Variants in APBA1 observed in about 807,000 individuals in gnomAD.
The protein encoded by APBA1 is amyloid-beta A4 precursor protein-binding family A member 1.
In APBA1, 55 loss-of-function variants were observed where a neutral mutation model predicts 86.6. That is an observed-to-expected ratio of 0.64 (90% confidence interval 0.51 to 0.80). The LOEUF (loss-of-function observed/expected upper bound fraction) is 0.80, where lower values mean the gene tolerates loss of function less well. Ranked by LOEUF, APBA1 falls within the 30% of genes least tolerant of loss-of-function variation. The pLI, the probability that APBA1 is intolerant of heterozygous loss-of-function variation, is 0.00. For synonymous variants in APBA1, 511 were observed against 493.9 expected (o/e 1.03, Z -0.46); for missense variants, 1,090 against 1,183.0 (o/e 0.92, Z 1.15).
intron 1 of APBA1, among the ~76,000 whole-genome samples, chr9:69,575,789 A>T (rs529175272): frequency 1.3e-5 from 2 of 152,234 alleles, no homozygotes; most frequent in African/African-American, 4.8e-5. Flanking sequence ...TTCAGGACAT[A>T]AGCATGGGCA....
intron 1 of APBA1, among the ~76,000 whole-genome samples, chr9:69,562,613 G>T (rs1836963786): frequency 6.6e-6 from 1 of 152,028 alleles, no homozygotes; most frequent in Non-Finnish European, 1.5e-5. Context: ...GACCTCATGT[G>T]ATCCTCCTGC....
At chr9:69,514,733 A>G (rs1165538452) in intron 2 of APBA1, among the ~76,000 whole-genome samples, 2 of 151,796 alleles carry the variant, frequency 1.3e-5, no homozygotes, top group African/African-American at 4.8e-5. Context: ...ACGTTATGAA[A>G]CCCCGTCTCT....
intron 1 of APBA1, among the ~76,000 whole-genome samples, chr9:69,553,336 G>GA (rs1215409009): frequency 6.6e-6 from 1 of 152,072 alleles, no homozygotes; most frequent in Non-Finnish European, 1.5e-5. Context: ...CATCACCCTA[G>GA]AAAATTCCTT....
rs1836525558 is a variant in APBA1, at chr9:69,537,117, C to A, written c.-69-19838G>T. Reference sequence around the variant, plus strand: ...AAATCTTAGTAATTTCCCCCCATCTCCAAAGAACTTCTATTTCTCTACATG... The same window carrying A: ...AAATCTTAGTAATTTCCCCCCATCTACAAAGAACTTCTATTTCTCTACATG... On this transcript the variant is annotated intron_variant, in intron 1 of 12. Coordinates refer to ENST00000265381, the MANE Select transcript of APBA1 (RefSeq NM_001163.4). Among the ~76,000 whole-genome samples, 10 of 151,438 alleles carry A rather than the reference C, an allele frequency of 6.6e-5. No homozygotes were observed. The South Asian group carries it at 2.1e-3, about 32-fold the overall frequency.
At chr9:69,463,285 A>G (rs142259657) in intron 5 of APBA1, 2 of 151,446 alleles carry the variant, frequency 1.3e-5, no homozygotes, top group Admixed American at 6.6e-5. Flanking sequence ...GTATTGGTTA[A>G]ATTTATTCCT....
At position 69,427,566 on chromosome 9, in the gene APBA1, C is replaced by G. The variant is rs1452067223; in HGVS notation, c.*3761G>C. The G allele has an allele frequency of 6.6e-6, 1 of 152,262 alleles. No homozygotes were observed. The highest frequency in any genetic ancestry group is 1.9e-4 in the East Asian group (1 of 5,174). 9.4% of individuals were successfully genotyped at this position (152,262 alleles called of 1,614,324 possible). A position where few individuals can be genotyped will look rare whatever the true frequency, so the allele number is the denominator to read the frequency against. ...AAGTTCTTGTTTATTGTTGCAGCAA[C>G]TCTTATACAGACATTAGCGTTCAGT... On this transcript the variant is annotated 3_prime_UTR_variant, in exon 13 of 13. Coordinates refer to ENST00000265381, the MANE Select transcript of APBA1 (RefSeq NM_001163.4).
intron 1 of APBA1, among the ~76,000 whole-genome samples, chr9:69,629,705 G>A (rs181479237): frequency 6.6e-6 from 1 of 152,284 alleles, no homozygotes; most frequent in Non-Finnish European, 1.5e-5. Flanking sequence ...CATATTCATT[G>A]AGCACTGCTA....
intron 1 of APBA1, among the ~76,000 whole-genome samples, chr9:69,658,260 C>G (rs1554709921): frequency 4.7e-5 from 1 of 21,234 alleles, no homozygotes; most frequent in African/African-American, 6.6e-5. Context: ...TTCTTTCTTT[C>G]TTTCTTTCTT....
intron 1 of APBA1, among the ~76,000 whole-genome samples, chr9:69,586,934 A>T (rs973028996): frequency 6.6e-6 from 1 of 152,252 alleles, no homozygotes; most frequent in African/African-American, 2.4e-5. Context: ...CATATACTTT[A>T]AAAAATAGTT....
intron 1 of APBA1, among the ~76,000 whole-genome samples, chr9:69,586,777 G>A (rs1822026397): frequency 6.6e-6 from 1 of 152,136 alleles, no homozygotes; most frequent in Admixed American, 6.5e-5. Context: ...CTCTGTAGAG[G>A]TGGGAAATAT....
At position 69,431,233 on chromosome 9, in the gene APBA1, G is replaced by T; in HGVS notation, c.*94C>A. Reference sequence around the variant, plus strand: ...GTGTAAAACCAAATGCTGGGCGCGAGAGGGGAAAGTCTCAGTGGACACAGG... The same window carrying T: ...GTGTAAAACCAAATGCTGGGCGCGATAGGGGAAAGTCTCAGTGGACACAGG... On this transcript the variant is annotated 3_prime_UTR_variant, in exon 13 of 13. Coordinates refer to ENST00000265381, the MANE Select transcript of APBA1 (RefSeq NM_001163.4). 1 of 941,914 alleles carries T rather than the reference G, an allele frequency of 1.1e-6. No individual in the cohort carries two copies. Among genetic ancestry groups the T allele is most frequent in the Non-Finnish European group, 1.6e-6 (1 of 641,834 alleles). 58.3% of individuals were successfully genotyped at this position (941,914 alleles called of 1,614,324 possible). A position where few individuals can be genotyped will look rare whatever the true frequency, so the allele number is the denominator to read the frequency against.
intron 1 of APBA1, among the ~76,000 whole-genome samples, chr9:69,587,418 A>C (rs764704810): frequency 6.6e-6 from 1 of 152,164 alleles, no homozygotes; most frequent in Non-Finnish European, 1.5e-5. Flanking sequence ...AGAGAGAAAA[A>C]CTGGAGATTG....
chr9:69,613,974 G>T lies in APBA1; in HGVS notation c.-70+58179C>A, dbSNP rs1014458203. Among the ~76,000 whole-genome samples, 3 of 152,172 alleles carry T rather than the reference G, an allele frequency of 2.0e-5. No homozygotes were observed. The East Asian group carries it at 5.8e-4, about 29-fold the overall frequency. On this transcript the variant is annotated intron_variant, in intron 1 of 12. Transcript: ENST00000265381. ...ATTTTTTTTTACCTTTTTGTTAACT[G>T]ACCTAAGACGTAAAGATTTTGAGTT...
At chr9:69,531,010 T>A (rs530863039) in intron 1 of APBA1, among the ~76,000 whole-genome samples, 14 of 152,312 alleles carry the variant, frequency 9.2e-5, no homozygotes, top group East Asian at 1.9e-4. Context: ...AAAATTTTTT[T>A]AAAAAGAAAA....
At chr9:69,592,360 C>T (rs1588382524) in intron 1 of APBA1, among the ~76,000 whole-genome samples, 1 of 152,110 alleles carries the variant, frequency 6.6e-6, no homozygotes, top group African/African-American at 2.4e-5. Context: ...CTTTGGGAGC[C>T]CAAGGCAGGA....
intron 5 of APBA1, among the ~76,000 whole-genome samples, chr9:69,466,006 C>G (rs905881577): frequency 6.6e-6 from 1 of 152,126 alleles, no homozygotes; most frequent in Admixed American, 6.5e-5. Flanking sequence ...AACAGTCACT[C>G]TTGAGGCAGT....
At chr9:69,534,033 TACA>T (rs1310885916) in intron 1 of APBA1, among the ~76,000 whole-genome samples, 2 of 152,116 alleles carry the variant, frequency 1.3e-5, no homozygotes, top group African/African-American at 2.4e-5. Flanking sequence ...AGAAAATAAT[TACA>T]ACAAGATGCT....
chr9:69,494,191 T>C (rs1485245688), intron 2 of APBA1: 2 of 152,120 alleles, frequency 1.3e-5, no homozygotes, highest in Non-Finnish European at 2.9e-5. Flanking sequence ...GTTTTATATA[T>C]ATATTTATAA....
At chr9:69,495,883 C>T (rs943308405) in intron 2 of APBA1, among the ~76,000 whole-genome samples, 9 of 151,998 alleles carry the variant, frequency 5.9e-5, no homozygotes, top group African/African-American at 1.9e-4. Context: ...AGCTAGGGGC[C>T]GCACCTCTAG....
Sources: allele counts gnomAD v4.1 joint callset (sites outside exome capture counted in the v4.1 genomes callset), GRCh38; gene constraint gnomAD v4.1.1; transcripts MANE v1.5; gene names NCBI Gene and HGNC (gene_info 2026-07-23, HGNC 2026-07-21).